The following FAT2 variants were observed in gnomAD, a reference collection of about 807,000 sequenced individuals.
FAT2 encodes the protein protocadherin Fat 2.
In FAT2, 150 loss-of-function variants were observed where a neutral mutation model predicts 295.3. The ratio of observed to expected loss-of-function variants is 0.51; its 90% confidence interval spans 0.44 to 0.58. FAT2 has a LOEUF of 0.58. Ranked by LOEUF, FAT2 falls within the 20% of genes least tolerant of loss-of-function variation. FAT2 has a pLI of 0.00. For missense variants in FAT2, 4,868 were observed against 5,442.7 expected (o/e 0.89, Z 3.32); for synonymous variants, 2,026 against 2,150.3 (o/e 0.94, Z 1.60).
rs533083769 is a variant in FAT2, at chr5:151,516,567, A to AT, written c.11463+1052dup. ...CTCTCCTCACCCCTGATGCCCCTCC[A>AT]TTTTTTCCTTTTTGCTCATAATACT... On this transcript the variant is annotated intron_variant, in intron 20 of 23. Transcript: ENST00000261800. Among the ~76,000 whole-genome samples, 5 of 152,118 alleles carry AT rather than the reference A, an allele frequency of 3.3e-5. No individual in the cohort carries two copies. In the South Asian group the frequency reaches 1.0e-3, roughly 32 times the overall value.
chr5:151,563,255 C>G, intron 3 of FAT2, 70 bp downstream of exon 3: 2 of 1,426,696 alleles, frequency 1.4e-6, no homozygotes, highest in Middle Eastern at 4.5e-4. Context: ...CTGATGGTGC[C>G]GATTTGGGCC....
chr5:151,507,883 ACTCT>A (rs1294651149), intron 22 of FAT2, among the ~76,000 whole-genome samples: 1 of 151,974 alleles, frequency 6.6e-6, no homozygotes, highest in African/African-American at 2.4e-5. Context: ...CACTGTATAC[ACTCT>A]CTATCATGAG....
intron 18 of FAT2, among the ~76,000 whole-genome samples, chr5:151,522,606 T>C (rs971667394): frequency 2.0e-5 from 3 of 152,078 alleles, no homozygotes; most frequent in Admixed American, 2.0e-4. Flanking sequence ...AAAGAGACAA[T>C]AAATAAGTTA....
intron 21 of FAT2, chr5:151,511,335 T>C (rs1761308378): frequency 6.6e-6 from 1 of 152,160 alleles, no homozygotes; most frequent in Non-Finnish European, 1.5e-5. Flanking sequence ...ATAGAATAGA[T>C]GGCTGAGAGG....
intron 16 of FAT2, 61 bp downstream of exon 16, chr5:151,527,935 T>C: frequency 1.3e-6 from 2 of 1,577,890 alleles, no homozygotes; most frequent in Non-Finnish European, 1.7e-6. Context: ...CTTCTGGACC[T>C]GCAGTGGGAC....
intron 15 of FAT2, 69 bp downstream of exon 15, chr5:151,529,109 G>T: frequency 7.6e-7 from 1 of 1,310,728 alleles, no homozygotes. Flanking sequence ...AGATGGCTGG[G>T]TGTGGGGGTG....
At chr5:151,517,836 T>C (rs756225471) in intron 19 of FAT2, 71 bp from the exon 20 acceptor site, 29 of 1,560,830 alleles carry the variant, frequency 1.9e-5, no homozygotes, top group Non-Finnish European at 2.5e-5. Context: ...TGACTTTGTC[T>C]TATTTAATCC....
intron 3 of FAT2, among the ~76,000 whole-genome samples, chr5:151,560,503 G>A (rs6860179): frequency 0.044 from 6,661 of 152,042 alleles, 344 homozygotes; most frequent in African/African-American, 0.13. Flanking sequence ...TTGCTCTCCC[G>A]GACTGCTGCC....
rs1298500488 is a variant in FAT2, at chr5:151,531,021, G to C, written c.9811+566C>G. 6.6e-6 allele frequency among the ~76,000 whole-genome samples: 1 copy of C among 152,224 alleles called. No individual in the cohort carries two copies. The highest frequency in any genetic ancestry group is 2.4e-5 in the African/African-American group (1 of 41,450). On this transcript the variant is annotated intron_variant, in intron 14 of 23. Coordinates refer to ENST00000261800, the MANE Select transcript of FAT2 (RefSeq NM_001447.3). This position sits in a 1 kb window ranked among gnomAD's most constrained non-coding sequence, Gnocchi z 5.7. ...CTGTGTGAGACACAGGCTGACCTGG[G>C]TGGCCTCTGAGGCCCTTCGGTGAGT... is the stretch of plus-strand genomic sequence containing the variant.
rs1049252534 is a variant in FAT2 at position 151,545,458 on chromosome 5, T to A, written c.5669A>T (p.Glu1890Val). 5.6e-6 allele frequency: 9 copies of A among 1,614,074 alleles called. No homozygotes were observed. The highest frequency in any genetic ancestry group is 7.6e-6 in the Non-Finnish European group (9 of 1,180,022). Residue 1890 changes from glutamate to valine, a missense_variant, in exon 10 of 24, where the codon GAG becomes GTG. This residue lies in a region of FAT2 where 3,297 missense variants were observed against 3,669.4 expected (regional missense o/e 0.90). Coordinates refer to ENST00000261800, the MANE Select transcript of FAT2 (RefSeq NM_001447.3). ...AIVGPIHPGM[E>V]LLMVRASDED... ...ATCGCTGGCCCGCACCATGAGAAGC[T>A]CCATGCCTGGATGGATAGGCCCGAC...
intron 12 of FAT2, among the ~76,000 whole-genome samples, chr5:151,534,970 A>ATATATATATATATATATATATATAT (rs1755078921): frequency 9.4e-5 from 10 of 106,408 alleles, no homozygotes; most frequent in Non-Finnish European, 1.7e-4. Flanking sequence ...CTTCTAGGAA[A>ATATATATATATATATATATATATAT]ATATATATAT....
intron 1 of FAT2, among the ~76,000 whole-genome samples, chr5:151,579,828 C>T (rs1758877054): frequency 6.6e-6 from 1 of 151,892 alleles, no homozygotes; most frequent in African/African-American, 2.4e-5. Context: ...AAACATTCAG[C>T]ACATGCATGG....
intron 12 of FAT2, among the ~76,000 whole-genome samples, chr5:151,537,232 GGAA>G (rs201731840): frequency 5.3e-4 from 80 of 150,884 alleles, no homozygotes; most frequent in African/African-American, 1.8e-3. Flanking sequence ...AGGAGGAGGA[GGAA>G]GAAGAAGAAA....
In FAT2 at chr5:151,505,858, G is replaced by T. The variant is rs771799746; in HGVS notation, c.12757C>A (p.Pro4253Thr). ...YSNQNLEDLMPSRPPSPRERL... is the reference protein window; with the variant it reads ...YSNQNLEDLMTSRPPSPRERL... Reference sequence around the variant, plus strand: ...TCCCGGGGACTAGGGGGCCGAGAGGGCATCAGATCTTCCAGGTTCTGGTTG... The same window carrying T: ...TCCCGGGGACTAGGGGGCCGAGAGGTCATCAGATCTTCCAGGTTCTGGTTG... The change falls in exon 24 of 24, where the codon CCC (proline) becomes ACC (threonine). Residue 4253 changes from proline (P) to threonine (T), a missense_variant. Pro to Thr is a conservative substitution (Grantham distance 38). This residue lies in a region of FAT2 where 492 missense variants were observed against 482.6 expected (regional missense o/e 1.02). Coordinates refer to ENST00000261800, the MANE Select transcript of FAT2 (RefSeq NM_001447.3). 9.9e-6 allele frequency: 16 copies of T among 1,609,480 alleles called. No individual in the cohort carries two copies. Among genetic ancestry groups the T allele is most frequent in the Non-Finnish European group, 1.4e-5 (16 of 1,178,682 alleles).
Position 151,521,310 on chromosome 5 carries a change from C to G in FAT2, c.11283G>C (p.Pro3761=), listed in dbSNP as rs374345375. 6.2e-7 allele frequency: 1 copy of G among 1,611,966 alleles called. No individual in the cohort carries two copies. The highest frequency in any genetic ancestry group is 1.1e-5 in the South Asian group (1 of 91,012). ...YSTARLSILT[P]RHHLQRSCSC... is the part of the protein sequence containing the mutation. Reference sequence around the variant, plus strand: ...AGCAGCTCCTCTGCAGGTGGTGCCGCGGGGTTAGGATGCTGAGCCTGGCGG... The same window carrying G: ...AGCAGCTCCTCTGCAGGTGGTGCCGGGGGGTTAGGATGCTGAGCCTGGCGG... Residue 3761 remains proline (P), a synonymous_variant, in exon 19 of 24, where the codon CCG becomes CCC. Transcript: ENST00000261800.
intron 1 of FAT2, among the ~76,000 whole-genome samples, chr5:151,569,431 C>T (rs2163769): frequency 0.49 from 73,743 of 152,006 alleles, 18,098 homozygotes; most frequent in Non-Finnish European, 0.53. Context: ...AACACACCCC[C>T]ATGATTCAAT....
Position 151,545,274 on chromosome 5 carries a change from A to G in FAT2, c.5853T>C (p.Thr1951=), listed in dbSNP as rs745351683. Residue 1951 remains threonine, a synonymous_variant, in exon 10 of 24, where the codon ACT becomes ACC. Transcript: ENST00000261800. ...IRASDGLYQD[T]ALVKISLTQV... ...GGGTCAAAGAAATTTTTACCAGCGCAGTGTCTTGATACAAGCCATCAGAAG... is the reference window on the plus strand; with the variant it reads ...GGGTCAAAGAAATTTTTACCAGCGCGGTGTCTTGATACAAGCCATCAGAAG... 6.2e-7 allele frequency: 1 copy of G among 1,614,188 alleles called. No homozygotes were observed. The highest frequency in any genetic ancestry group is 1.1e-5 in the South Asian group (1 of 91,086).
intron 8 of FAT2, 97 bp downstream of exon 8, chr5:151,550,493 A>T: frequency 7.3e-7 from 1 of 1,377,166 alleles, no homozygotes; most frequent in South Asian, 1.3e-5. Flanking sequence ...CATGGTCCTT[A>T]TGAGGGGAAG....
In FAT2 at chr5:151,507,521, C is replaced by G; in HGVS notation, c.12150G>C (p.Leu4050=). Residue 4050 remains leucine, a synonymous_variant, in exon 23 of 24, where the codon CTG becomes CTC. Coordinates refer to ENST00000261800, the MANE Select transcript of FAT2 (RefSeq NM_001447.3). ...QRGDWGQQEL[L]IITVAVAFII... ...TGAACGCCACGGCCACTGTGATGAT[C>G]AGTAACTCCTGCTGCCCCCAGTCCC... 2 of 1,614,118 alleles carry G rather than the reference C, an allele frequency of 1.2e-6. No individual in the cohort carries two copies. The highest frequency in any genetic ancestry group is 1.7e-6 in the Non-Finnish European group (2 of 1,180,008).
Sources: allele counts gnomAD v4.1 joint callset (sites outside exome capture counted in the v4.1 genomes callset), GRCh38; gene constraint gnomAD v4.1.1; regional missense constraint gnomAD v4.1.1; non-coding constraint Gnocchi (gnomAD v3.1); transcripts MANE v1.5; gene names NCBI Gene and HGNC (gene_info 2026-07-23, HGNC 2026-07-21).